SFI1: variants seen among roughly 807,000 people sequenced by gnomAD.
The protein encoded by SFI1 is protein SFI1 homolog.
In SFI1, 195 loss-of-function variants were observed where a neutral mutation model predicts 207.5. The ratio of observed to expected loss-of-function variants is 0.94; its 90% CI spans 0.84 to 1.06. The LOEUF (loss-of-function observed/expected upper bound fraction) is 1.06. Ranked by LOEUF, SFI1 falls within the 50% of genes least tolerant of loss-of-function variation. The pLI, the probability that SFI1 is intolerant of heterozygous loss-of-function variation, is 0.00. For missense variants in SFI1, 1,634 were observed against 1,588.0 expected (o/e 1.03, Z -0.49); for synonymous variants, 630 against 598.9 (o/e 1.05, Z -0.76).
At chr22:31,545,584 A>AATTTTATTTTATTTT (rs1555984036) in intron 4 of SFI1, among the ~76,000 whole-genome samples, 5 of 144,994 alleles carry the variant, frequency 3.4e-5, no homozygotes, top group African/African-American at 1.0e-4. Context: ...AATTTAATTT[A>AATTTTATTTTATTTT]ATTTTATTTT....
intron 6 of SFI1, 86 bp from the exon 7 acceptor site, chr22:31,556,856 C>T: frequency 1.1e-6 from 1 of 878,376 alleles, no homozygotes; most frequent in Non-Finnish European, 1.7e-6. Context: ...TTTAGGTATT[C>T]AAAGGAGAGC....
chr22:31,508,405 T>C (rs1310424285), intron 2 of SFI1, 29 bp downstream of exon 2: 3 of 1,440,942 alleles, frequency 2.1e-6, no homozygotes, highest in East Asian at 4.6e-5. Context: ...GAAAAAAATA[T>C]AACTGGAATG....
At chr22:31,517,057 C>T (rs962783612) in intron 2 of SFI1, among the ~76,000 whole-genome samples, 2 of 151,840 alleles carry the variant, frequency 1.3e-5, no homozygotes, top group African/African-American at 4.8e-5. Flanking sequence ...TCACTTGAAC[C>T]CAGGAGGCAG....
intron 2 of SFI1, among the ~76,000 whole-genome samples, chr22:31,512,976 G>A (rs1363347233): frequency 1.3e-5 from 2 of 152,138 alleles, no homozygotes; most frequent in South Asian, 2.1e-4. Context: ...ATGAGCCACA[G>A]CGCCCAGCCA....
chr22:31,617,100 G>A (rs1222657569), intron 31 of SFI1, 22 bp downstream of exon 31: 1 of 1,613,216 alleles, frequency 6.2e-7, no homozygotes, highest in Non-Finnish European at 8.5e-7. Flanking sequence ...GAAACGCCCT[G>A]CAGCCCTGGC....
chr22:31,508,489 A>C, intron 2 of SFI1, 113 bp downstream of exon 2: 1 of 712,834 alleles, frequency 1.4e-6, no homozygotes, highest in South Asian at 1.9e-5. Context: ...ACTGTGGGTA[A>C]GTTTTTTTTG....
intron 19 of SFI1, 139 bp from the exon 20 acceptor site, chr22:31,604,730 C>T: frequency 1.4e-6 from 1 of 704,912 alleles, no homozygotes; most frequent in Non-Finnish European, 2.4e-6. Flanking sequence ...GGCCCTGGGA[C>T]CAGGGGCTGT....
In SFI1 at chr22:31,614,727, A is replaced by G. The variant is rs758606345; in HGVS notation, c.2997-62A>G. The G allele has an allele frequency of 1.9e-6, 3 of 1,574,034 alleles. No homozygotes were observed. In the Admixed American group the frequency reaches 5.1e-5, roughly 27 times the overall value. ...CTATAAAATTGGAGATCCCACAGAG[A>G]TCTCAGACCCCCCTGCAGCCCCTGG... On this transcript the variant is annotated intron_variant, in intron 27 of 32. Coordinates refer to ENST00000400288, the MANE Select transcript of SFI1 (RefSeq NM_001007467.3).
chr22:31,573,753 T>A (rs1432708736), intron 9 of SFI1, among the ~76,000 whole-genome samples: 1 of 152,216 alleles, frequency 6.6e-6, no homozygotes, highest in Non-Finnish European at 1.5e-5. Context: ...TGTATATTTT[T>A]TATCTAAATA....
At chr22:31,616,950 G>A in intron 30 of SFI1, 50 bp from the exon 31 acceptor site, 1 of 1,613,200 alleles carries the variant, frequency 6.2e-7, no homozygotes, top group Non-Finnish European at 8.5e-7. Flanking sequence ...TATTTACCCT[G>A]GTCCCCGAGG....
chr22:31,515,733 C>CT (rs71818558), intron 2 of SFI1, among the ~76,000 whole-genome samples: 30,740 of 140,422 alleles, frequency 0.22, 4,146 homozygotes, highest in East Asian at 0.43. Flanking sequence ...GGCTTAGTAC[C>CT]TTTTTTTTTT....
At chr22:31,609,025 TCTCA>T (rs953847400) in intron 22 of SFI1, among the ~76,000 whole-genome samples, 3 of 151,502 alleles carry the variant, frequency 2.0e-5, no homozygotes, top group African/African-American at 7.3e-5. Context: ...TGAGACAGAG[TCTCA>T]CTCTGTCTCC....
At chr22:31,533,244 C>T (rs1445449847) in intron 4 of SFI1, among the ~76,000 whole-genome samples, 2 of 151,988 alleles carry the variant, frequency 1.3e-5, no homozygotes, top group African/African-American at 2.4e-5. Context: ...TTTTAGTGTT[C>T]GGGCCGGGCG....
At position 31,553,836 on chromosome 22, in the gene SFI1, A is replaced by ATTTTT. The variant is rs1201513765; in HGVS notation, c.545-3105_545-3104insTTTTT. Among the ~76,000 whole-genome samples the ATTTTT allele has an allele frequency of 3.9e-3, 86 of 21,960 alleles. 4 individuals are homozygous for ATTTTT. Among genetic ancestry groups the ATTTTT allele is most frequent in the African/African-American group, 0.011 (80 of 7,314 alleles). The allele number at this position is 21,960 out of a possible 152,430, so 14.4% of individuals were successfully genotyped here. On this transcript the variant is annotated intron_variant, in intron 6 of 32. Transcript: ENST00000400288. The stretch of plus-strand genomic sequence containing the variant: ...CCATTCTATTTTTTTTTAATGGATT[A>ATTTTT]TGTTTTTTTTTTTTTTTTTTTTTTT...
At chr22:31,546,763 G>C in intron 4 of SFI1, 98 bp from the exon 5 acceptor site, 2 of 766,410 alleles carry the variant, frequency 2.6e-6, no homozygotes, top group South Asian at 4.2e-5. Context: ...CACCACGCCC[G>C]GCTGTACTTT....
At chr22:31,563,149 C>T (rs866917431) in intron 8 of SFI1, among the ~76,000 whole-genome samples, 23 of 151,894 alleles carry the variant, frequency 1.5e-4, no homozygotes, top group Admixed American at 1.4e-3. Context: ...CATGCCGCCA[C>T]GCCTGGCTAA....
At chr22:31,600,727 G>T (rs1198536752) in intron 15 of SFI1, among the ~76,000 whole-genome samples, 2 of 152,218 alleles carry the variant, frequency 1.3e-5, no homozygotes, top group African/African-American at 4.8e-5. Flanking sequence ...GGTGCCCCCA[G>T]GCAGAAAGTC....
intron 27 of SFI1, 56 bp from the exon 28 acceptor site, chr22:31,614,733 G>C (rs2071074446): frequency 1.3e-6 from 2 of 1,586,526 alleles, no homozygotes; most frequent in Non-Finnish European, 1.7e-6. Context: ...AGAGATCTCA[G>C]ACCCCCCTGC....
In SFI1 at chr22:31,618,372, G is replaced by A; in HGVS notation, c.3683G>A (p.Gly1228Asp). ...EELQAQRQPI[G>D]ACVARIQALR... ...CTCCAGGCTCAGCGCCAGCCCATTG[G>A]CGCCTGCGTTGCCCGCATCCAGGCC... Residue 1228 changes from glycine to aspartate, a missense_variant, in exon 33 of 33, where the codon GGC becomes GAC. By Grantham distance (94) the Gly-to-Asp change is moderately conservative. Coordinates refer to ENST00000400288, the MANE Select transcript of SFI1 (RefSeq NM_001007467.3). 6.2e-7 allele frequency: 1 copy of A among 1,607,128 alleles called. No homozygotes were observed. Among genetic ancestry groups the A allele is most frequent in the African/African-American group, 1.3e-5 (1 of 74,942 alleles).
Sources: gnomAD v4.1 joint callset for allele counts (sites outside exome capture counted in the v4.1 genomes callset) on GRCh38, gnomAD v4.1.1 for gene constraint, MANE v1.5 for transcripts, NCBI Gene and HGNC (gene_info 2026-07-23, HGNC 2026-07-21) for gene names.